TREML4: variants seen among roughly 807,000 people sequenced by gnomAD.
TREML4 encodes the protein triggering receptor expressed on myeloid cells like 4.
Under a neutral mutation model 25.4 loss-of-function variants are expected in TREML4, and 25 were observed. That is an observed-to-expected ratio of 0.98 (90% CI 0.72 to 1.37). The LOEUF (loss-of-function observed/expected upper bound fraction) is 1.37. TREML4 is among the 40% of genes most tolerant of loss of function. The probability of loss-of-function intolerance (pLI) is 0.00; values close to 1 mark genes in which losing one functional copy is unlikely to be tolerated. For synonymous variants in TREML4, 92 were observed against 87.9 expected, an observed-to-expected ratio of 1.05 and a Z score of -0.26; for missense variants, 268 against 236.5, an observed-to-expected ratio of 1.13 and a Z score of -0.87.
chr6:41,228,630 T>A, intron 1 of TREML4, 84 bp from the exon 2 acceptor site: 5 of 1,510,626 alleles, frequency 3.3e-6, no homozygotes, highest in Non-Finnish European at 4.5e-6. Flanking sequence ...TAGTTCCCCC[T>A]CCCCTTCCCC....
Position 41,236,507 on chromosome 6 carries a change from C to T in TREML4, c.528C>T (p.Cys176=). ...GCAGGAAATCAAGAGCCCCTGCCTG[C>T]CTTGGCTCAGGTGGCCCCAGATTCC... The part of the protein sequence containing the change: ...SETRKSRAPA[C]LGSGGPRFLV... The change falls in exon 5 of 6, where the codon TGC becomes TGT. Residue 176 remains cysteine, a synonymous_variant. Transcript: ENST00000341495. 6.2e-7 allele frequency: 1 copy of T among 1,614,154 alleles called. No individual in the cohort carries two copies. The highest frequency in any genetic ancestry group is 1.1e-5 in the South Asian group (1 of 91,080).
Position 41,236,597 on chromosome 6 carries a change from C to T in TREML4, c.*15C>T. On this transcript the variant is annotated 3_prime_UTR_variant, in exon 5 of 6. Coordinates refer to ENST00000341495, the MANE Select transcript of TREML4 (RefSeq NM_198153.3). ...TGATGTTGTGAGTCCTGTTAGTGCT[C>T]CTGATCTGCAGGTGCCACAGGTGAG... 1 of 1,603,954 alleles carries T rather than the reference C, an allele frequency of 6.2e-7. No homozygotes were observed. Among genetic ancestry groups the T allele is most frequent in the African/African-American group, 1.3e-5 (1 of 74,858 alleles).
At chr6:41,230,574 T>C (rs991485983) in intron 4 of TREML4, among the ~76,000 whole-genome samples, 3 of 152,120 alleles carry the variant, frequency 2.0e-5, no homozygotes, top group Non-Finnish European at 4.4e-5. Context: ...ACTGGAGGAA[T>C]AGGCTGCAAT....
At position 41,230,113 on chromosome 6, in the gene TREML4, C is replaced by G. The variant is rs745575554; in HGVS notation, c.497C>G (p.Ser166Cys). Reference protein sequence around the residue: ...GTSGHPSINGSETRKSRAPAC... With the variant: ...GTSGHPSINGCETRKSRAPAC... ...TCTGGCCATCCCTCCATCAATGGCTCTGAGACCAGGTAGGTCAGAGGTTTT... is the reference window on the plus strand; with the variant it reads ...TCTGGCCATCCCTCCATCAATGGCTGTGAGACCAGGTAGGTCAGAGGTTTT... The change falls in exon 4 of 6, where the codon TCT (serine) becomes TGT (cysteine). Residue 166 changes from serine to cysteine, a missense_variant. Transcript: ENST00000341495. 12 of 1,610,906 alleles carry G rather than the reference C, an allele frequency of 7.4e-6. No homozygotes were observed. The South Asian group carries it at 1.2e-4, about 16-fold the overall frequency.
At chr6:41,236,355 T>C (rs1766900542) in intron 4 of TREML4, 131 bp from the exon 5 acceptor site, 4 of 686,418 alleles carry the variant, frequency 5.8e-6, no homozygotes, top group Admixed American at 4.8e-5. Flanking sequence ...CCCACACCCC[T>C]CTGTCATCGT....
intron 2 of TREML4, 51 bp from the exon 3 acceptor site, chr6:41,229,470 A>T: frequency 6.3e-7 from 1 of 1,599,160 alleles, no homozygotes; most frequent in Non-Finnish European, 8.6e-7. Flanking sequence ...GGTAGACCCT[A>T]CTCTCTTCTG....
intron 4 of TREML4, 31 bp from the exon 5 acceptor site, chr6:41,236,455 G>A (rs944052019): frequency 5.6e-6 from 9 of 1,603,444 alleles, no homozygotes; most frequent in South Asian, 1.1e-5. Context: ...CCTGGCCCAA[G>A]TCCATCCTCC....
intron 3 of TREML4, 144 bp from the exon 4 acceptor site, chr6:41,229,918 C>T (rs1766755377): frequency 1.4e-6 from 1 of 722,070 alleles, no homozygotes; most frequent in South Asian, 1.6e-5. Flanking sequence ...TTATGGAGAT[C>T]TCAGGCCTCA....
chr6:41,235,491 A>T (rs1239300990), intron 4 of TREML4, among the ~76,000 whole-genome samples: 1 of 152,220 alleles, frequency 6.6e-6, no homozygotes, highest in African/African-American at 2.4e-5. Context: ...GCCAGATACA[A>T]AATCAACTGA....
chr6:41,228,432 C>G lies in TREML4; in HGVS notation c.5C>G (p.Ala2Gly), dbSNP rs1333342426. The G allele has an allele frequency of 1.2e-6, 2 of 1,611,036 alleles. No homozygotes were observed. The highest frequency in any genetic ancestry group is 4.5e-5 in the East Asian group (2 of 44,818). The change falls in exon 1 of 6, where the codon GCC becomes GGC. Residue 2 changes from alanine to glycine, a missense_variant. By Grantham distance (60) the Ala-to-Gly change is moderately conservative. Transcript: ENST00000341495. ...CAGAAACAGATCTGGGCTGGAATGG[C>G]CTGGGGTGGGGTCCACACCTGCTGC... Reference protein sequence around the residue: MAWGGVHTCCFH... With the variant: MGWGGVHTCCFH...
At chr6:41,228,602 ATG>A in intron 1 of TREML4, 110 bp from the exon 2 acceptor site, 1 of 1,474,878 alleles carries the variant, frequency 6.8e-7, no homozygotes, top group South Asian at 1.3e-5. Flanking sequence ...GCCCTCTTCC[ATG>A]TGTGGGCATC....
chr6:41,235,963 C>G (rs1358229416), intron 4 of TREML4, among the ~76,000 whole-genome samples: 1 of 152,054 alleles, frequency 6.6e-6, no homozygotes, highest in Non-Finnish European at 1.5e-5. Context: ...AGTCCTAGAT[C>G]AGAGCTAGGC....
At chr6:41,230,654 A>G (rs889024904) in intron 4 of TREML4, among the ~76,000 whole-genome samples, 2 of 152,188 alleles carry the variant, frequency 1.3e-5, no homozygotes, top group African/African-American at 4.8e-5. Flanking sequence ...ATGAAAATAG[A>G]CAACTAACTG....
chr6:41,232,823 C>G (rs991289997), intron 4 of TREML4, among the ~76,000 whole-genome samples: 1 of 152,158 alleles, frequency 6.6e-6, no homozygotes, highest in Non-Finnish European at 1.5e-5. Context: ...GGAAGCGAAG[C>G]TCAGGCAGTG....
Position 41,236,625 on chromosome 6 carries a change from G to A in TREML4, c.*35+8G>A. 2 of 1,514,460 alleles carry A rather than the reference G, an allele frequency of 1.3e-6. No homozygotes were observed. The highest frequency in any genetic ancestry group is 9.2e-7 in the Non-Finnish European group (1 of 1,092,226). 93.8% of individuals were successfully genotyped at this position (1,514,460 alleles called of 1,614,324 possible). ...GATCTGCAGGTGCCACAGGTGAGGG[G>A]GCCTGGATTTCACCTGGGGGCAATG... On this transcript the variant is annotated splice_region_variant and intron_variant, in intron 5 of 5. Transcript: ENST00000341495.
At chr6:41,230,971 G>A (rs1766784368) in intron 4 of TREML4, 1 of 164,486 alleles carries the variant, frequency 6.1e-6, no homozygotes. Flanking sequence ...GATTCTCATA[G>A]TAGCATGAGC....
intron 3 of TREML4, 106 bp downstream of exon 3, chr6:41,229,677 A>G (rs1477666431): frequency 1.6e-6 from 2 of 1,229,842 alleles, no homozygotes; most frequent in South Asian, 2.4e-5. Context: ...CTGAGGACTG[A>G]TCTCTTGGGG....
intron 3 of TREML4, among the ~76,000 whole-genome samples, chr6:41,229,854 C>T (rs574214396): frequency 8.5e-5 from 13 of 152,200 alleles, no homozygotes; most frequent in South Asian, 8.3e-4. Context: ...AGCCCTCCTG[C>T]CCCTGTCCTC....
chr6:41,230,907 A>G (rs964556169), intron 4 of TREML4, among the ~76,000 whole-genome samples: 1 of 152,198 alleles, frequency 6.6e-6, no homozygotes, highest in Non-Finnish European at 1.5e-5. Flanking sequence ...GCCTCTTTCC[A>G]TAGCTTGCAT....
Sources: allele counts gnomAD v4.1 joint callset (sites outside exome capture counted in the v4.1 genomes callset), GRCh38; gene constraint gnomAD v4.1.1; transcripts MANE v1.5; gene names NCBI Gene and HGNC (gene_info 2026-07-23, HGNC 2026-07-21).